DOP1B: variants seen among roughly 807,000 people sequenced by gnomAD.
DOP1B encodes the protein protein DOP1B.
DOP1B carries 174 observed loss-of-function variants against 233.5 expected under a neutral mutation model. The ratio of observed to expected loss-of-function variants is 0.75; its 90% CI spans 0.66 to 0.85. The LOEUF (loss-of-function observed/expected upper bound fraction) is 0.85. Ranked by LOEUF, DOP1B falls within the 40% of genes least tolerant of loss-of-function variation. DOP1B has a pLI of 0.00. For missense variants in DOP1B, 2,652 were observed against 2,846.6 expected (o/e 0.93, Z 1.56); for synonymous variants, 1,190 against 1,185.6 (o/e 1.00, Z -0.08).
chr21:36,263,824 T>A lies in DOP1B; in HGVS notation c.5487+10T>A. 1 of 1,613,986 alleles carries A rather than the reference T, an allele frequency of 6.2e-7. No homozygotes were observed. Among genetic ancestry groups the A allele is most frequent in the South Asian group, 1.1e-5 (1 of 91,074 alleles). On this transcript the variant is annotated intron_variant, in intron 26 of 36. Coordinates refer to ENST00000691173, the MANE Select transcript of DOP1B (RefSeq NM_001320714.2). The stretch of plus-strand genomic sequence containing the variant: ...CCAAAAAGACCTGCAGGTTTGTATA[T>A]GAAAGAGGTTCAGCCAAATGATATT...
At position 36,293,417 on chromosome 21, in the gene DOP1B, T is replaced by A. The variant is rs746620868; in HGVS notation, c.6743T>A (p.Met2248Lys). Residue 2248 changes from methionine (M) to lysine (K), a missense_variant, in exon 37 of 37, where the codon ATG becomes AAG. Physicochemically the swap from Met to Lys is moderately conservative, Grantham distance 95. Transcript: ENST00000691173. ...SSIRQLMPFF[M>K]TLNGAFKTQR... ...ATCAGGCAGTTGATGCCATTCTTCATGACTCTAAATGGTGCATTTAAGACC... is the reference window on the plus strand; with the variant it reads ...ATCAGGCAGTTGATGCCATTCTTCAAGACTCTAAATGGTGCATTTAAGACC... 6.2e-7 allele frequency: 1 copy of A among 1,614,174 alleles called. No individual in the cohort carries two copies. The highest frequency in any genetic ancestry group is 8.5e-7 in the Non-Finnish European group (1 of 1,180,024).
chr21:36,225,577 G>A lies in DOP1B; in HGVS notation c.1383G>A (p.Gln461=), dbSNP rs1056245510. ...CFEECFRPVK[Q]RYSVRNSVSP... is the part of the protein sequence containing the mutation. ...CTGTGATTTATAGACCAGTGAAGCA[G>A]CGTTACAGCGTGAGGAACAGCGTCA... Residue 461 remains glutamine, a synonymous_variant, in exon 12 of 37, where the codon CAG becomes CAA. Coordinates refer to ENST00000691173, the MANE Select transcript of DOP1B (RefSeq NM_001320714.2). The A allele has an allele frequency of 5.0e-6, 8 of 1,614,012 alleles. No homozygotes were observed. The highest frequency in any genetic ancestry group is 6.8e-6 in the Non-Finnish European group (8 of 1,180,032).
chr21:36,202,251 G>A (rs1476856688), intron 4 of DOP1B, among the ~76,000 whole-genome samples: 1 of 152,086 alleles, frequency 6.6e-6, no homozygotes, highest in African/African-American at 2.4e-5. Flanking sequence ...TTTGTTTCCG[G>A]AGAAGTATAA....
At chr21:36,197,607 G>T (rs1367067808) in intron 2 of DOP1B, among the ~76,000 whole-genome samples, 2 of 152,230 alleles carry the variant, frequency 1.3e-5, no homozygotes, top group African/African-American at 2.4e-5. Flanking sequence ...TGAGATGGGG[G>T]CACTGAGCTA....
At chr21:36,160,272 A>C (rs2065857701) in intron 1 of DOP1B, among the ~76,000 whole-genome samples, 1 of 152,072 alleles carries the variant, frequency 6.6e-6, no homozygotes, top group African/African-American at 2.4e-5. Flanking sequence ...GTTATTTCAG[A>C]AAAAGGGACA....
In DOP1B at chr21:36,199,133, G is replaced by C; in HGVS notation, c.202G>C (p.Ala68Pro). Reference protein sequence around the residue: ...PRRLLISKRLAQCLHPALPSG... With the variant: ...PRRLLISKRLPQCLHPALPSG... ...ACGGCTCCTCATCAGCAAAAGATTAGCTCAGTGTTTGCACCCTGCCCTGCC... is the reference window on the plus strand; with the variant it reads ...ACGGCTCCTCATCAGCAAAAGATTACCTCAGTGTTTGCACCCTGCCCTGCC... The change falls in exon 3 of 37, where the codon GCT (alanine) becomes CCT (proline). Residue 68 changes from alanine (A) to proline (P), a missense_variant. Coordinates refer to ENST00000691173, the MANE Select transcript of DOP1B (RefSeq NM_001320714.2). 6.2e-7 allele frequency: 1 copy of C among 1,614,102 alleles called. No homozygotes were observed. The highest frequency in any genetic ancestry group is 8.5e-7 in the Non-Finnish European group (1 of 1,180,024).
intron 19 of DOP1B, among the ~76,000 whole-genome samples, chr21:36,247,312 A>G (rs2066978664): frequency 6.6e-6 from 1 of 152,236 alleles, no homozygotes; most frequent in Non-Finnish European, 1.5e-5. Context: ...TAAAACATTG[A>G]AACCATTTTT....
chr21:36,270,696 C>A (rs2067278630), intron 27 of DOP1B, among the ~76,000 whole-genome samples: 1 of 151,088 alleles, frequency 6.6e-6, no homozygotes, highest in Non-Finnish European at 1.5e-5. Context: ...GGTGGATCAC[C>A]TGAGGTCAGG....
chr21:36,195,417 C>T (rs1468975556), intron 2 of DOP1B, among the ~76,000 whole-genome samples: 1 of 151,030 alleles, frequency 6.6e-6, no homozygotes, highest in Non-Finnish European at 1.5e-5. Context: ...GCCTATAACC[C>T]TGGCTACTCA....
In DOP1B at chr21:36,288,123, A is replaced by G. The variant is rs770514061; in HGVS notation, c.6270A>G (p.Ser2090=). Residue 2090 remains serine, a synonymous_variant, in exon 33 of 37, where the codon TCA becomes TCG. Transcript: ENST00000691173. ...GAATATCTCCTCAACATTTGACTTC[A>G]TTGTGGCCAATAATGGTCTCTGAAT... is the stretch of plus-strand genomic sequence containing the variant. ...LLRISPQHLT[S]LWPIMVSELI... is the part of the protein sequence containing the mutation. 1.9e-6 allele frequency: 3 copies of G among 1,613,846 alleles called. No homozygotes were observed.
chr21:36,194,963 T>C (rs2066272693), intron 2 of DOP1B, among the ~76,000 whole-genome samples: 2 of 151,906 alleles, frequency 1.3e-5, no homozygotes, highest in African/African-American at 4.8e-5. Flanking sequence ...CCCAGCACTT[T>C]GGGAGGCCAG....
chr21:36,218,514 C>T (rs964762329), intron 9 of DOP1B, among the ~76,000 whole-genome samples: 4 of 151,986 alleles, frequency 2.6e-5, no homozygotes, highest in Non-Finnish European at 5.9e-5. Flanking sequence ...CAGAGCAAGA[C>T]TCTGTCTCCA....
intron 1 of DOP1B, 73 bp from the exon 2 acceptor site, chr21:36,164,635 G>A: frequency 8.0e-7 from 1 of 1,249,496 alleles, no homozygotes; most frequent in South Asian, 1.7e-5. Context: ...CGTGTCTTCT[G>A]TAGCTCTGGG....
intron 2 of DOP1B, among the ~76,000 whole-genome samples, chr21:36,172,016 A>G (rs2065975525): frequency 6.6e-6 from 1 of 152,134 alleles, no homozygotes; most frequent in Non-Finnish European, 1.5e-5. Context: ...TTAGACAGAG[A>G]GGACACTGAC....
At position 36,245,532 on chromosome 21, in the gene DOP1B, C is replaced by A; in HGVS notation, c.3552C>A (p.Asp1184Glu). The change falls in exon 19 of 37, where the codon GAC becomes GAA. Residue 1184 changes from aspartate (D) to glutamate (E), a missense_variant. Around this residue, in one of 3 missense-constraint regions of DOP1B, gnomAD observed 2,617 missense variants for 2,794.3 expected, o/e 0.94. Transcript: ENST00000691173. This position sits in a 1 kb window ranked among gnomAD's most constrained non-coding sequence, Gnocchi z 5.5. ...TAAGCCTGGTGCGGGTGGACTCGGA[C>A]AAGACGCAGGCTTCTGAGTCGTTCT... ...AKLSLVRVDS[D>E]KTQASESFSS... 1 of 1,613,546 alleles carries A rather than the reference C, an allele frequency of 6.2e-7. No individual in the cohort carries two copies.
At chr21:36,258,777 G>A (rs2067136307) in intron 23 of DOP1B, among the ~76,000 whole-genome samples, 1 of 152,124 alleles carries the variant, frequency 6.6e-6, no homozygotes, top group African/African-American at 2.4e-5. Flanking sequence ...TTCTAGGTTG[G>A]CAAAGAAGAG....
At chr21:36,257,737 T>G (rs555825179) in intron 23 of DOP1B, among the ~76,000 whole-genome samples, 3 of 150,302 alleles carry the variant, frequency 2.0e-5, no homozygotes, top group South Asian at 2.1e-4. Context: ...TAGATAGATG[T>G]AGGTAGGTAG....
chr21:36,228,556 G>A (rs951949310), intron 13 of DOP1B, among the ~76,000 whole-genome samples: 1 of 152,004 alleles, frequency 6.6e-6, no homozygotes, highest in African/African-American at 2.4e-5. Flanking sequence ...CATGAGGTCA[G>A]GAGATCAAGA....
chr21:36,192,270 A>G (rs13052259), intron 2 of DOP1B, among the ~76,000 whole-genome samples: 5,464 of 151,840 alleles, frequency 0.036, 116 homozygotes, highest in South Asian at 0.069. Context: ...GAGGAGGGAG[A>G]ATTGCCTGGG....
Sources: gnomAD v4.1 joint callset for allele counts (sites outside exome capture counted in the v4.1 genomes callset) on GRCh38, gnomAD v4.1.1 for gene constraint, gnomAD v4.1.1 regional missense constraint, Gnocchi (gnomAD v3.1) non-coding constraint, MANE v1.5 for transcripts, NCBI Gene and HGNC (gene_info 2026-07-23, HGNC 2026-07-21) for gene names.